The following ERGIC2 variants were observed in gnomAD, a reference collection of about 807,000 sequenced individuals.
The protein encoded by ERGIC2 is endoplasmic reticulum-Golgi intermediate compartment protein 2.
ERGIC2 carries 31 observed loss-of-function variants against 52.5 expected under a neutral mutation model. The observed-to-expected ratio is 0.59, with a 90% CI of 0.44 to 0.80. The LOEUF (loss-of-function observed/expected upper bound fraction) is 0.80, where lower values mean the gene tolerates loss of function less well. Among genes scored for constraint, ERGIC2 ranks in the 30% least tolerant of loss-of-function variants. The pLI is 0.00. For synonymous variants in ERGIC2, 129 were observed against 140.6 expected (o/e 0.92, Z 0.58); for missense variants, 395 against 455.2 (o/e 0.87, Z 1.20).
Position 29,371,529 on chromosome 12 carries a change from T to C in ERGIC2, c.105A>G (p.Thr35=). 1.9e-6 allele frequency: 3 copies of C among 1,599,868 alleles called. No individual in the cohort carries two copies. The highest frequency in any genetic ancestry group is 2.6e-6 in the Non-Finnish European group (3 of 1,171,312). ...CTTTTAATGTTAACTGATACTCACC[T>C]GTACCTCCACTGGCTGAAGTCTCTA... ...SYVETSASGG[T]VSLIAFTTMA... is the part of the protein sequence containing the mutation. Residue 35 remains threonine, a splice_region_variant and synonymous_variant, in exon 2 of 14, where the codon ACA becomes ACG. Transcript: ENST00000360150.
chr12:29,361,772 A>C, intron 5 of ERGIC2, 87 bp from the exon 6 acceptor site: 1 of 1,038,114 alleles, frequency 9.6e-7, no homozygotes, highest in Non-Finnish European at 1.4e-6. Context: ...TTGAGCAGGA[A>C]ACATAAACTT....
chr12:29,375,434 G>T (rs919078535), intron 1 of ERGIC2, among the ~76,000 whole-genome samples: 2 of 152,106 alleles, frequency 1.3e-5, no homozygotes, highest in Non-Finnish European at 2.9e-5. Flanking sequence ...AATCACAGCA[G>T]TATGTCATAC....
intron 1 of ERGIC2, among the ~76,000 whole-genome samples, chr12:29,379,362 A>C (rs1247445751): frequency 1.3e-5 from 2 of 152,190 alleles, no homozygotes; most frequent in Non-Finnish European, 2.9e-5. Context: ...AGCAATAGAA[A>C]GGAAGAACTT....
At chr12:29,366,793 G>T in intron 5 of ERGIC2, 84 bp downstream of exon 5, 1 of 696,724 alleles carries the variant, frequency 1.4e-6, no homozygotes, top group Non-Finnish European at 2.3e-6. Flanking sequence ...AACTATTTCA[G>T]ACAAAACTAA....
chr12:29,355,952 T>G (rs1448279363), intron 8 of ERGIC2, among the ~76,000 whole-genome samples: 2 of 152,160 alleles, frequency 1.3e-5, no homozygotes, highest in African/African-American at 2.4e-5. Flanking sequence ...CTCAAGACAT[T>G]AAAAATATAT....
At chr12:29,347,426 T>C (rs1000522114) in intron 10 of ERGIC2, among the ~76,000 whole-genome samples, 2 of 152,202 alleles carry the variant, frequency 1.3e-5, no homozygotes, top group Admixed American at 1.3e-4. Context: ...AAAAAGATAA[T>C]CGCTTAGCTC....
Position 29,345,456 on chromosome 12 carries a change from G to A in ERGIC2, c.812C>T (p.Ser271Phe), listed in dbSNP as rs1439466155. ...YKISADTHQF[S>F]VTERERIINH... ...GATTCAACTTACCCTTTCTGTCACA[G>A]AAAACTGATGGGTGTCTGCTGATAT... The change falls in exon 11 of 14, where the codon TCT (serine) becomes TTT (phenylalanine). Residue 271 changes from serine to phenylalanine, a missense_variant. Physicochemically the swap from Ser to Phe is radical, Grantham distance 155. Transcript: ENST00000360150. 2.0e-5 allele frequency: 32 copies of A among 1,582,664 alleles called. No individual in the cohort carries two copies. Among genetic ancestry groups the A allele is most frequent in the Non-Finnish European group, 2.7e-5 (31 of 1,155,000 alleles).
At chr12:29,358,829 C>T (rs1156374928) in intron 6 of ERGIC2, among the ~76,000 whole-genome samples, 3 of 152,000 alleles carry the variant, frequency 2.0e-5, no homozygotes, top group African/African-American at 7.2e-5. Flanking sequence ...AGATTAAAAA[C>T]TTATGCATCA....
chr12:29,364,241 G>A (rs1021593615), intron 5 of ERGIC2, among the ~76,000 whole-genome samples: 1 of 151,976 alleles, frequency 6.6e-6, no homozygotes, highest in Non-Finnish European at 1.5e-5. Context: ...ACACATTCTT[G>A]CTGTAAAATA....
At chr12:29,374,814 T>A (rs1227110272) in intron 1 of ERGIC2, among the ~76,000 whole-genome samples, 1 of 152,202 alleles carries the variant, frequency 6.6e-6, no homozygotes, top group Non-Finnish European at 1.5e-5. Context: ...ATCACTACAT[T>A]GCTTCAACAA....
chr12:29,343,774 G>T (rs1949856988), intron 11 of ERGIC2, among the ~76,000 whole-genome samples: 1 of 152,070 alleles, frequency 6.6e-6, no homozygotes. Flanking sequence ...GCTCTAAAAT[G>T]CTCAATATCA....
At chr12:29,373,831 TA>T (rs1940477178) in intron 1 of ERGIC2, among the ~76,000 whole-genome samples, 1 of 152,206 alleles carries the variant, frequency 6.6e-6, no homozygotes, top group Admixed American at 6.5e-5. Flanking sequence ...ACGTCAGTTA[TA>T]AAACTGGTAT....
intron 8 of ERGIC2, among the ~76,000 whole-genome samples, chr12:29,355,489 A>G (rs927077781): frequency 2.6e-5 from 4 of 152,082 alleles, no homozygotes; most frequent in African/African-American, 9.7e-5. Flanking sequence ...TCAGTTCAGC[A>G]CTCTATATGG....
chr12:29,369,991 A>C (rs1006690869), intron 3 of ERGIC2, 123 bp downstream of exon 3: 1 of 861,304 alleles, frequency 1.2e-6, no homozygotes, highest in Non-Finnish European at 1.6e-6. Flanking sequence ...ATTTTTCAGG[A>C]CTATTTCTTC....
chr12:29,355,024 CT>C, intron 8 of ERGIC2, among the ~76,000 whole-genome samples: 1 of 152,062 alleles, frequency 6.6e-6, no homozygotes, highest in East Asian at 1.9e-4. Context: ...TACTGAAATA[CT>C]TTTTCATAGA....
At chr12:29,347,380 G>A (rs73273363) in intron 10 of ERGIC2, among the ~76,000 whole-genome samples, 3,596 of 152,170 alleles carry the variant, frequency 0.024, 135 homozygotes, top group African/African-American at 0.082. Flanking sequence ...TATTTCTACC[G>A]GCTTCATTAA....
chr12:29,343,024 CAT>C, intron 12 of ERGIC2, 94 bp downstream of exon 12: 1 of 1,033,404 alleles, frequency 9.7e-7, no homozygotes. Context: ...AACACCGAAA[CAT>C]GAAAATCTGT....
rs1949832934 is a variant in ERGIC2, at chr12:29,340,884, T to C, written c.*272A>G. 2.0e-6 allele frequency: 1 copy of C among 489,440 alleles called. No homozygotes were observed. The highest frequency in any genetic ancestry group is 2.0e-5 in the African/African-American group (1 of 50,112). The allele number at this position is 489,440 out of a possible 1,614,324, so 30.3% of individuals were successfully genotyped here. A position where few individuals can be genotyped will look rare whatever the true frequency, so the allele number is the denominator to read the frequency against. On this transcript the variant is annotated 3_prime_UTR_variant, in exon 14 of 14. Transcript: ENST00000360150. Reference sequence around the variant, plus strand: ...TGATTTTGATACCACCCATTTGCTATGAAAATATAAGAAGGCGTCATCTTC... The same window carrying C: ...TGATTTTGATACCACCCATTTGCTACGAAAATATAAGAAGGCGTCATCTTC...
At chr12:29,379,065 A>G (rs899596124) in intron 1 of ERGIC2, among the ~76,000 whole-genome samples, 1 of 152,224 alleles carries the variant, frequency 6.6e-6, no homozygotes, top group Non-Finnish European at 1.5e-5. Flanking sequence ...GCATAAACTG[A>G]TAAGACTAAA....
Sources: gnomAD v4.1 joint callset for allele counts (sites outside exome capture counted in the v4.1 genomes callset) on GRCh38, gnomAD v4.1.1 for gene constraint, MANE v1.5 for transcripts, NCBI Gene and HGNC (gene_info 2026-07-23, HGNC 2026-07-21) for gene names.